Variants in MCTP1 observed in about 807,000 individuals in gnomAD.
MCTP1 encodes the protein multiple C2 and transmembrane domain-containing protein 1.
MCTP1 carries 69 observed loss-of-function variants against 120.6 expected under a neutral mutation model. The observed-to-expected ratio is 0.57, with a 90% confidence interval of 0.47 to 0.70. The LOEUF is 0.70. MCTP1 is among the 30% of genes least tolerant of loss of function. MCTP1 has a pLI of 0.00. For synonymous variants in MCTP1, 529 were observed against 493.1 expected (o/e 1.07, Z -0.96); for missense variants, 1,203 against 1,248.8 (o/e 0.96, Z 0.55).
At chr5:95,053,558 T>C (rs1430355377) in intron 1 of MCTP1, among the ~76,000 whole-genome samples, 1 of 152,182 alleles carries the variant, frequency 6.6e-6, no homozygotes, top group Non-Finnish European at 1.5e-5. Context: ...TGCAGGCTAT[T>C]GACAGACCGC....
chr5:95,164,782 T>C (rs987223194), intron 1 of MCTP1, among the ~76,000 whole-genome samples: 2 of 152,222 alleles, frequency 1.3e-5, no homozygotes, highest in Non-Finnish European at 2.9e-5. Flanking sequence ...ATAAAAGGAA[T>C]TACAGTGATG....
At chr5:94,944,778 T>C (rs940917541) in intron 3 of MCTP1, among the ~76,000 whole-genome samples, 2 of 152,150 alleles carry the variant, frequency 1.3e-5, no homozygotes, top group Admixed American at 6.5e-5. Context: ...ATTAATGAAA[T>C]TATTAGCTAT....
chr5:95,135,018 A>C (rs1759337302), intron 1 of MCTP1, among the ~76,000 whole-genome samples: 1 of 145,546 alleles, frequency 6.9e-6, no homozygotes, highest in Non-Finnish European at 1.5e-5. Flanking sequence ...AAAAAAAAAA[A>C]AAAAAAAAAA....
intron 12 of MCTP1, among the ~76,000 whole-genome samples, chr5:94,886,382 C>A (rs937990526): frequency 3.3e-5 from 5 of 152,126 alleles, no homozygotes; most frequent in African/African-American, 1.2e-4. Flanking sequence ...TTCCTGTGCT[C>A]ATGTCTAATG....
intron 17 of MCTP1, among the ~76,000 whole-genome samples, chr5:94,837,602 G>T (rs1790096790): frequency 6.6e-6 from 1 of 152,140 alleles, no homozygotes; most frequent in Non-Finnish European, 1.5e-5. Context: ...ACAAAGCCTG[G>T]TACATGGTAT....
At chr5:95,081,562 C>T (rs1447525008) in intron 1 of MCTP1, 39 of 1,521,094 alleles carry the variant, frequency 2.6e-5, no homozygotes, top group African/African-American at 8.2e-5. Context: ...CACTGAATAC[C>T]GGCAAAAGAG....
chr5:95,190,536 C>T (rs1378276479), intron 1 of MCTP1, among the ~76,000 whole-genome samples: 1 of 151,966 alleles, frequency 6.6e-6, no homozygotes, highest in Non-Finnish European at 1.5e-5. Context: ...CTCATGCAAA[C>T]TTGGGAGCAA....
chr5:94,964,306 T>C (rs956460166), intron 2 of MCTP1, among the ~76,000 whole-genome samples: 1 of 152,186 alleles, frequency 6.6e-6, no homozygotes, highest in African/African-American at 2.4e-5. Flanking sequence ...GGATATTTTG[T>C]GTGTGCTTGA....
chr5:94,772,416 G>A (rs1396281274), intron 19 of MCTP1, among the ~76,000 whole-genome samples: 3 of 152,156 alleles, frequency 2.0e-5, no homozygotes, highest in African/African-American at 7.2e-5. Flanking sequence ...TTCACATGCA[G>A]CTGCCAGCTG....
chr5:95,086,257 C>T (rs968603134), intron 1 of MCTP1, among the ~76,000 whole-genome samples: 4 of 152,020 alleles, frequency 2.6e-5, no homozygotes, highest in Non-Finnish European at 1.5e-5. Flanking sequence ...TATGTACCCC[C>T]GTACAGTATT....
intron 10 of MCTP1, 70 bp downstream of exon 10, chr5:94,909,181 A>T (rs1480732223): frequency 1.1e-5 from 16 of 1,506,736 alleles, no homozygotes; most frequent in Non-Finnish European, 1.4e-5. Flanking sequence ...TACAATAACC[A>T]GGCTTACAGC....
At chr5:94,953,499 G>A in intron 2 of MCTP1, 138 bp from the exon 3 acceptor site, 1 of 531,856 alleles carries the variant, frequency 1.9e-6, no homozygotes, top group East Asian at 3.5e-5. Flanking sequence ...AGAGTTAAGT[G>A]TTTTCTTATG....
intron 18 of MCTP1, among the ~76,000 whole-genome samples, chr5:94,782,137 G>A (rs1776708186): frequency 1.3e-5 from 2 of 152,066 alleles, no homozygotes; most frequent in African/African-American, 4.8e-5. Flanking sequence ...TAATGCATAA[G>A]AGCGCTTAAT....
chr5:95,269,417 G>C (rs973978671), intron 1 of MCTP1, among the ~76,000 whole-genome samples: 1 of 152,198 alleles, frequency 6.6e-6, no homozygotes, highest in South Asian at 2.1e-4. Flanking sequence ...TTGAAGTCAT[G>C]ATACATGTAT....
intron 1 of MCTP1, among the ~76,000 whole-genome samples, chr5:95,056,934 T>C (rs914581917): frequency 6.6e-6 from 1 of 152,116 alleles, no homozygotes; most frequent in Non-Finnish European, 1.5e-5. Context: ...ATAGTGAGTA[T>C]GAAAAGAAAG....
intron 12 of MCTP1, chr5:94,877,802 A>G (rs1351690964): frequency 6.6e-6 from 1 of 152,174 alleles, no homozygotes; most frequent in Admixed American, 6.6e-5. Context: ...AAGTGACTCA[A>G]AAGATACTGA....
chr5:95,078,031 T>TATCCATCC (rs1011387309), intron 1 of MCTP1, among the ~76,000 whole-genome samples: 8,892 of 139,524 alleles, frequency 0.064, 977 homozygotes, highest in African/African-American at 0.22. Context: ...ATCATCCATC[T>TATCCATCC]ATCCATCCAT....
At chr5:95,017,612 C>A in intron 1 of MCTP1, 128 bp from the exon 2 acceptor site, 1 of 445,412 alleles carries the variant, frequency 2.2e-6, no homozygotes, top group Non-Finnish European at 3.8e-6. Flanking sequence ...CTTCTGATTT[C>A]ATACAGTCTC....
At chr5:94,862,488 C>T (rs1452472472) in intron 17 of MCTP1, among the ~76,000 whole-genome samples, 1 of 151,726 alleles carries the variant, frequency 6.6e-6, no homozygotes, top group Non-Finnish European at 1.5e-5. Flanking sequence ...AAAAACAAAA[C>T]AAAAATAACT....
Sources: allele counts gnomAD v4.1 joint callset (sites outside exome capture counted in the v4.1 genomes callset), GRCh38; gene constraint gnomAD v4.1.1; transcripts MANE v1.5; gene names NCBI Gene and HGNC (gene_info 2026-07-23, HGNC 2026-07-21).